Variants in RANBP10 observed in about 807,000 individuals in gnomAD.
RANBP10 encodes the protein ran-binding protein 10.
RANBP10 carries 24 observed loss-of-function variants against 72.8 expected under a neutral mutation model. That is an observed-to-expected ratio of 0.33 (90% CI 0.24 to 0.46). RANBP10 has a LOEUF of 0.46. Ranked by LOEUF, RANBP10 falls within the 20% of genes least tolerant of loss-of-function variation. RANBP10 has a pLI of 1.00. For missense variants in RANBP10, 679 were observed against 817.5 expected, an observed-to-expected ratio of 0.83 and a Z score of 2.07; for synonymous variants, 310 against 322.3, an observed-to-expected ratio of 0.96 and a Z score of 0.41.
At chr16:67,785,232 A>G (rs1035472820) in intron 2 of RANBP10, among the ~76,000 whole-genome samples, 4 of 151,900 alleles carry the variant, frequency 2.6e-5, no homozygotes, top group Admixed American at 6.6e-5. Flanking sequence ...AAATAAATAA[A>G]AAAGAAAGAA....
Position 67,730,066 on chromosome 16 carries a change from A to G in RANBP10, c.890-20T>C, listed in dbSNP as rs1214350443. The G allele has an allele frequency of 6.2e-7, 1 of 1,605,696 alleles. No homozygotes were observed. Among genetic ancestry groups the G allele is most frequent in the African/African-American group, 1.3e-5 (1 of 75,002 alleles). On this transcript the variant is annotated intron_variant, in intron 7 of 13. Transcript: ENST00000317506. The surrounding 1 kb of genome is among the most constrained non-coding windows in gnomAD (Gnocchi z 4.3). Reference sequence around the variant, plus strand: ...GGATCTCTGCAGGGTGCAAGAACACAGCAGTGAGCGAGGGCTACAGGCCTC... The same window carrying G: ...GGATCTCTGCAGGGTGCAAGAACACGGCAGTGAGCGAGGGCTACAGGCCTC...
At chr16:67,728,721 C>A in intron 10 of RANBP10, 1 of 903,338 alleles carries the variant, frequency 1.1e-6, no homozygotes, top group South Asian at 1.7e-5. Flanking sequence ...TGATTCCCAC[C>A]CTTGCCCCAG....
intron 4 of RANBP10, 89 bp downstream of exon 4, chr16:67,744,199 C>A (rs764058647): frequency 1.3e-6 from 2 of 1,533,634 alleles, no homozygotes; most frequent in African/African-American, 1.4e-5. Context: ...TCAGCAGAGG[C>A]GACACTGCCT....
chr16:67,728,374 G>C lies in RANBP10; in HGVS notation c.1474+16C>G, dbSNP rs373133717. The C allele has an allele frequency of 3.1e-6, 5 of 1,612,394 alleles. No homozygotes were observed. The highest frequency in any genetic ancestry group is 3.4e-6 in the Non-Finnish European group (4 of 1,178,736). ...CACTGCCCTCAAAGAATAGCACACCGGGCCGTGGCTCTCACCCATGCTGGA... is the reference window on the plus strand; with the variant it reads ...CACTGCCCTCAAAGAATAGCACACCCGGCCGTGGCTCTCACCCATGCTGGA... On this transcript the variant is annotated intron_variant, in intron 11 of 13. Transcript: ENST00000317506.
In RANBP10 at chr16:67,803,850, AAG is replaced by A. The variant is rs1426267495; in HGVS notation, c.347+1576_347+1577del. On this transcript the variant is annotated intron_variant, in intron 2 of 13. Transcript: ENST00000317506. ...CTCATTAAAAAAAAAAAAAAAAAAA[AAG>A]AGAGAGAGAGAGAAAGATACAGCAG... 1.5e-4 allele frequency among the ~76,000 whole-genome samples: 22 copies of A among 148,824 alleles called. 1 individual carries two copies. Among genetic ancestry groups the A allele is most frequent in the African/African-American group, 4.7e-4 (19 of 40,450 alleles).
In RANBP10 at chr16:67,805,424, T is replaced by C. The variant is rs1179529518; in HGVS notation, c.347+4A>G. ...GGGAAAGAGGGTGGTCATGAAGGGC[T>C]TACCCATCTCTTCCTTTGCTGACAA... On this transcript the variant is annotated splice_donor_region_variant and intron_variant, in intron 2 of 13. Transcript: ENST00000317506. The C allele has an allele frequency of 1.2e-6, 2 of 1,612,682 alleles. No homozygotes were observed. The highest frequency in any genetic ancestry group is 1.1e-5 in the South Asian group (1 of 91,006).
At chr16:67,744,785 G>A (rs1415686489) in intron 3 of RANBP10, among the ~76,000 whole-genome samples, 42 of 152,242 alleles carry the variant, frequency 2.8e-4, no homozygotes, top group Non-Finnish European at 2.9e-5. Context: ...GGAGCTGGAA[G>A]TAACCTTGGA....
In RANBP10 at chr16:67,726,550, T is replaced by G. The variant is rs2053604736; in HGVS notation, c.1741A>C (p.Asn581His). The G allele has an allele frequency of 6.4e-7, 1 of 1,556,056 alleles. No homozygotes were observed. Among genetic ancestry groups the G allele is most frequent in the Non-Finnish European group, 8.7e-7 (1 of 1,149,504 alleles). The change falls in exon 14 of 14, where the codon AAC becomes CAC. Residue 581 changes from asparagine (N) to histidine (H), a missense_variant. Coordinates refer to ENST00000317506, the MANE Select transcript of RANBP10 (RefSeq NM_020850.3). Reference protein sequence around the residue: ...ALNSAILESQNLPKQPPLMLA... With the variant: ...ALNSAILESQHLPKQPPLMLA... ...ATCAGAGGGGGCTGCTTTGGCAGGT[T>G]CTGGGACTCTGTGGAGGAAAGACAA... is the stretch of plus-strand genomic sequence containing the variant.
chr16:67,768,123 C>G (rs1300539442), intron 3 of RANBP10, among the ~76,000 whole-genome samples: 3 of 151,134 alleles, frequency 2.0e-5, no homozygotes, highest in Admixed American at 2.0e-4. Flanking sequence ...GGCATGATGA[C>G]TCATACTTGT....
chr16:67,724,069 G>C lies in RANBP10; in HGVS notation c.*2359C>G, dbSNP rs1214061432. The C allele has an allele frequency of 6.5e-6, 1 of 152,784 alleles. No homozygotes were observed. The highest frequency in any genetic ancestry group is 1.5e-5 in the Non-Finnish European group (1 of 68,248). 9.5% of individuals were successfully genotyped at this position (152,784 alleles called of 1,614,324 possible). On this transcript the variant is annotated 3_prime_UTR_variant, in exon 14 of 14. Transcript: ENST00000317506. ...GGCCATGGGTACCAAGTGCGAGCCA[G>C]GCAGACACCCAACCCCATGCAGCAC...
chr16:67,728,692 T>G, intron 10 of RANBP10, 181 bp from the exon 11 acceptor site: 1 of 1,147,086 alleles, frequency 8.7e-7, no homozygotes, highest in South Asian at 1.5e-5. Context: ...ACACCAGCTA[T>G]CCTCAGAGGC....
chr16:67,779,934 C>G (rs2054780226), intron 2 of RANBP10, among the ~76,000 whole-genome samples: 1 of 152,082 alleles, frequency 6.6e-6, no homozygotes, highest in African/African-American at 2.4e-5. Flanking sequence ...ATGGTCCACT[C>G]AAAAACAGCA....
chr16:67,745,243 T>G (rs1052486613), intron 3 of RANBP10, among the ~76,000 whole-genome samples: 4 of 152,204 alleles, frequency 2.6e-5, no homozygotes, highest in Non-Finnish European at 4.4e-5. Flanking sequence ...CCCAAAGTCC[T>G]GGGATTACAG....
intron 5 of RANBP10, among the ~76,000 whole-genome samples, chr16:67,736,619 G>A (rs2053853353): frequency 6.6e-6 from 1 of 152,136 alleles, no homozygotes; most frequent in Admixed American, 6.5e-5. Flanking sequence ...AAGCCTTCCT[G>A]ACCGTCACTG....
At chr16:67,740,297 G>A (rs1425753568) in intron 4 of RANBP10, among the ~76,000 whole-genome samples, 1 of 151,922 alleles carries the variant, frequency 6.6e-6, no homozygotes, top group Non-Finnish European at 1.5e-5. Flanking sequence ...AGTGGAGACG[G>A]GGTTTCACCG....
intron 5 of RANBP10, among the ~76,000 whole-genome samples, chr16:67,737,393 A>G (rs1047536307): frequency 4.6e-5 from 7 of 151,720 alleles, no homozygotes; most frequent in Non-Finnish European, 7.4e-5. Context: ...TAGTAGAGAC[A>G]GGGTTTCACC....
In RANBP10 at chr16:67,734,977, C is replaced by G; in HGVS notation, c.657G>C (p.Gln219His). The change falls in exon 6 of 14, where the codon CAG (glutamine) becomes CAC (histidine). Residue 219 changes from glutamine (Q) to histidine (H), a missense_variant. By Grantham distance (24) the Gln-to-His change is conservative. Coordinates refer to ENST00000317506, the MANE Select transcript of RANBP10 (RefSeq NM_020850.3). ...CCTCAATGTCAAACAGGAAGGGCTG[C>G]TGCCCAAAGTTGGCGTCCACAATCT... ...PGEIVDANFG[Q>H]QPFLFDIEDY... 1.2e-6 allele frequency: 2 copies of G among 1,614,088 alleles called. No individual in the cohort carries two copies. The highest frequency in any genetic ancestry group is 1.7e-6 in the Non-Finnish European group (2 of 1,179,946).
chr16:67,796,476 A>G (rs2055137194), intron 2 of RANBP10, among the ~76,000 whole-genome samples: 1 of 151,966 alleles, frequency 6.6e-6, no homozygotes, highest in African/African-American at 2.4e-5. Flanking sequence ...TTATCTTCCA[A>G]CCACCTCCAC....
chr16:67,758,830 A>G (rs2054340457), intron 3 of RANBP10, among the ~76,000 whole-genome samples: 3 of 145,822 alleles, frequency 2.1e-5, no homozygotes, highest in Non-Finnish European at 2.9e-5. Flanking sequence ...GAGGAATCCC[A>G]TGCCCAGAAT....
Sources: gnomAD v4.1 joint callset for allele counts (sites outside exome capture counted in the v4.1 genomes callset) on GRCh38, gnomAD v4.1.1 for gene constraint, Gnocchi (gnomAD v3.1) non-coding constraint, MANE v1.5 for transcripts, NCBI Gene and HGNC (gene_info 2026-07-23, HGNC 2026-07-21) for gene names.